Variants in KLF13 observed in about 807,000 individuals in gnomAD.
The protein encoded by KLF13 is KLF transcription factor 13, also known as Krueppel-like factor 13.
In KLF13, 8 loss-of-function variants were observed where a neutral mutation model predicts 16.7. The ratio of observed to expected loss-of-function variants is 0.48; its 90% CI spans 0.28 to 0.87. The LOEUF is 0.87. KLF13 is among the 40% of genes least tolerant of loss of function. The pLI, the probability that KLF13 is intolerant of heterozygous loss-of-function variation, is 0.10. For missense variants in KLF13, 447 were observed against 452.2 expected, an observed-to-expected ratio of 0.99 and a Z score of 0.10; for synonymous variants, 245 against 208.4, an observed-to-expected ratio of 1.18 and a Z score of -1.51.
chr15:31,330,478 T>G (rs1262732113), intron 1 of KLF13, among the ~76,000 whole-genome samples: 1 of 152,210 alleles, frequency 6.6e-6, no homozygotes, highest in Non-Finnish European at 1.5e-5. Context: ...CCCTGCAACT[T>G]GGTGATGTCT....
chr15:31,347,036 A>G (rs565414808), intron 1 of KLF13, among the ~76,000 whole-genome samples: 2 of 152,286 alleles, frequency 1.3e-5, no homozygotes, highest in Admixed American at 1.3e-4. Context: ...GGGCTGGGAC[A>G]AGGTCAGGTC....
chr15:31,343,311 C>T (rs1213878667), intron 1 of KLF13, among the ~76,000 whole-genome samples: 1 of 152,244 alleles, frequency 6.6e-6, no homozygotes, highest in Non-Finnish European at 1.5e-5. Flanking sequence ...AGGCAGTTGC[C>T]TTCGGGATTT....
chr15:31,397,878 G>GGT (rs2039976288), intron 2 of KLF13, among the ~76,000 whole-genome samples: 1 of 149,292 alleles, frequency 6.7e-6, no homozygotes, highest in Non-Finnish European at 1.5e-5. Context: ...TGGCGGCGGG[G>GGT]GGGGTGGTGA....
intron 1 of KLF13, among the ~76,000 whole-genome samples, chr15:31,427,463 T>C (rs891257461): frequency 6.6e-6 from 1 of 152,134 alleles, no homozygotes; most frequent in African/African-American, 2.4e-5. Context: ...ACCTGACTTC[T>C]GAGTATAGAT....
intron 1 of KLF13, among the ~76,000 whole-genome samples, chr15:31,355,680 T>G (rs989108850): frequency 6.6e-6 from 1 of 152,112 alleles, no homozygotes; most frequent in African/African-American, 2.4e-5. Flanking sequence ...TAATTGGATA[T>G]TTAGGATGGA....
At chr15:31,361,388 T>A (rs1183744052) in intron 1 of KLF13, among the ~76,000 whole-genome samples, 1 of 152,188 alleles carries the variant, frequency 6.6e-6, no homozygotes, top group Non-Finnish European at 1.5e-5. Flanking sequence ...GGGTTTCACA[T>A]CAACACTTTC....
At chr15:31,380,268 GACA>G (rs1209203078), downstream of KLF13, among the ~76,000 whole-genome samples, 1 of 152,168 alleles carries the variant, frequency 6.6e-6, no homozygotes, top group Non-Finnish European at 1.5e-5. Flanking sequence ...CTTCAGCATG[GACA>G]ACAAGAGCGA....
intron 2 of KLF13, among the ~76,000 whole-genome samples, chr15:31,398,636 C>A (rs1046491342): frequency 5.3e-5 from 8 of 152,150 alleles, no homozygotes; most frequent in African/African-American, 1.7e-4. Flanking sequence ...GCTCCGAGCC[C>A]TCCCAGCCAC....
At chr15:31,343,868 TC>T (rs2039069446) in intron 1 of KLF13, among the ~76,000 whole-genome samples, 1 of 152,234 alleles carries the variant, frequency 6.6e-6, no homozygotes, top group South Asian at 2.1e-4. Context: ...TCCTTAGTCT[TC>T]CCTGGGAGAC....
chr15:31,406,080 T>G (rs185934394), downstream of KLF13, among the ~76,000 whole-genome samples: 83 of 152,204 alleles, frequency 5.5e-4, 1 homozygote, highest in Admixed American at 4.5e-3. Flanking sequence ...AGGAGGAGGA[T>G]AGGAAAGTAA....
chr15:31,371,216 TCCG>T (rs2140966215), intron 1 of KLF13, among the ~76,000 whole-genome samples: 1 of 152,320 alleles, frequency 6.6e-6, no homozygotes, highest in Admixed American at 6.5e-5. Flanking sequence ...TGTCTCCCGC[TCCG>T]AGTGAGGGAT....
chr15:31,342,166 G>C (rs1253883795), intron 1 of KLF13, among the ~76,000 whole-genome samples: 1 of 152,188 alleles, frequency 6.6e-6, no homozygotes. Flanking sequence ...CCTCTCTGAG[G>C]TGGGCTTGAA....
chr15:31,344,224 AC>A (rs1378768857), intron 1 of KLF13, among the ~76,000 whole-genome samples: 4 of 152,208 alleles, frequency 2.6e-5, no homozygotes, highest in African/African-American at 9.6e-5. Flanking sequence ...GCAGATGCAG[AC>A]ATCCCAGATC....
intron 1 of KLF13, among the ~76,000 whole-genome samples, chr15:31,338,954 A>G (rs1007233288): frequency 4.0e-5 from 6 of 151,868 alleles, no homozygotes; most frequent in African/African-American, 1.5e-4. Context: ...CTGAGGAGGG[A>G]GGGTGAAGGC....
intron 1 of KLF13, chr15:31,420,154 A>T (rs6493659): frequency 4.0e-5 from 19 of 478,538 alleles, no homozygotes; most frequent in African/African-American, 1.6e-4. Flanking sequence ...ATAACCCAGC[A>T]GCCACTAGTG....
At chr15:31,336,255 C>T (rs1229169312) in intron 1 of KLF13, among the ~76,000 whole-genome samples, 1 of 152,218 alleles carries the variant, frequency 6.6e-6, no homozygotes, top group East Asian at 1.9e-4. Context: ...ACACATCTGT[C>T]TTCCTCCTGG....
At chr15:31,371,666 C>T (rs371808179) in intron 1 of KLF13, among the ~76,000 whole-genome samples, 17 of 152,214 alleles carry the variant, frequency 1.1e-4, no homozygotes, top group East Asian at 5.8e-4. Flanking sequence ...ACCACTGGCC[C>T]GGCATGGGTG....
At chr15:31,380,161 T>C (rs904373419), downstream of KLF13, among the ~76,000 whole-genome samples, 4 of 152,082 alleles carry the variant, frequency 2.6e-5, no homozygotes, top group Non-Finnish European at 4.4e-5. Flanking sequence ...AAAATGTGGC[T>C]TGTGCCTGTA....
chr15:31,423,131 ACG>A lies in KLF13; in HGVS notation n.118-12238_118-12237del, dbSNP rs1566848238. Among the ~76,000 whole-genome samples the A allele has an allele frequency of 1.9e-5, 2 of 107,376 alleles. 1 individual carries two copies. Among genetic ancestry groups the A allele is most frequent in the African/African-American group, 1.0e-4 (2 of 19,802 alleles). The allele number at this position is 107,376 out of a possible 152,430, so 70.4% of individuals were successfully genotyped here. A position where few individuals can be genotyped will look rare whatever the true frequency, so the allele number is the denominator to read the frequency against. ...CGTATACGTATATATACGTATATAT[ACG>A]TATACGTATACGTATATATACGTAT... On this transcript the variant is annotated intron_variant and non_coding_transcript_variant, in intron 1 of 1. Transcript: ENST00000558225.
Sources: allele counts gnomAD v4.1 joint callset (sites outside exome capture counted in the v4.1 genomes callset), GRCh38; gene constraint gnomAD v4.1.1; transcripts MANE v1.5; gene names NCBI Gene and HGNC (gene_info 2026-07-23, HGNC 2026-07-21).